Variants in FANCD2OS observed in about 807,000 individuals in gnomAD.
FANCD2OS encodes FANCD2 opposite strand, also known as FANCD2 opposite strand protein.
A neutral mutation model predicts 13.2 loss-of-function variants in FANCD2OS; 11 were observed. The ratio of observed to expected loss-of-function variants is 0.83; its 90% CI spans 0.52 to 1.38. FANCD2OS has a LOEUF of 1.38. FANCD2OS is among the 40% of genes most tolerant of loss of function. The pLI, the probability that FANCD2OS is intolerant of heterozygous loss-of-function variation, is 0.00. For synonymous variants in FANCD2OS, 69 were observed against 84.5 expected (o/e 0.82, Z 1.01); for missense variants, 217 against 213.9 (o/e 1.01, Z -0.09).
chr3:10,099,291 G>A (rs35619439), downstream of FANCD2OS: 296 of 1,244,252 alleles, frequency 2.4e-4, no homozygotes, highest in Non-Finnish European at 2.8e-4. Flanking sequence ...GCTTTTTTGT[G>A]GTACAGATGC....
At position 10,083,224 on chromosome 3, in the gene FANCD2OS, C is replaced by T. The variant is rs564540459; in HGVS notation, c.*44-1693G>A. ...CCTGGGCAACAGAACCAGACCCCAT[C>T]TCAAAAAAAAAAAAATCTGGGCCCC... On this transcript the variant is annotated intron_variant, in intron 2 of 2. Transcript: ENST00000524279. Among the ~76,000 whole-genome samples, 4 of 149,214 alleles carry T rather than the reference C, an allele frequency of 2.7e-5. No individual in the cohort carries two copies. In the South Asian group the frequency reaches 8.4e-4, roughly 31 times the overall value.
downstream of FANCD2OS, chr3:10,101,377 CTTTTTTTT>C (rs950337384): frequency 1.2e-4 from 48 of 388,510 alleles, no homozygotes; most frequent in African/African-American, 3.0e-4. Context: ...TTTTGTTCCT[CTTTTTTTT>C]TTTTTTTTTT....
chr3:10,092,305 T>A, intron 2 of FANCD2OS: 1 of 1,373,488 alleles, frequency 7.3e-7, no homozygotes, highest in South Asian at 1.2e-5. Context: ...AGAAACCAAG[T>A]GTCCTGGCTT....
In FANCD2OS at chr3:10,088,326, G is replaced by A. The variant is rs150434555; in HGVS notation, c.*44-6795C>T. On this transcript the variant is annotated intron_variant, in intron 2 of 2. Coordinates refer to the FANCD2OS transcript ENST00000524279. ...CTTTTTGTAAGTTGCCTGTTAGACCGGGAACGTCTTAGTAAATCTAAACTA... is the reference window on the plus strand; with the variant it reads ...CTTTTTGTAAGTTGCCTGTTAGACCAGGAACGTCTTAGTAAATCTAAACTA... The A allele has an allele frequency of 1.5e-4, 110 of 753,240 alleles. 2 individuals carry two copies. The highest frequency in any genetic ancestry group is 1.1e-3 in the South Asian group (81 of 70,554). The allele number at this position is 753,240 out of a possible 1,614,324, so 46.7% of individuals were successfully genotyped here.
At chr3:10,098,792 G>A (rs2125100946), downstream of FANCD2OS, 1 of 1,614,172 alleles carries the variant, frequency 6.2e-7, no homozygotes, top group Non-Finnish European at 8.5e-7. Flanking sequence ...GTCATCCCAG[G>A]CCTCCAAGAG....
downstream of FANCD2OS, among the ~76,000 whole-genome samples, chr3:10,099,952 T>C (rs969305562): frequency 3.9e-5 from 6 of 152,058 alleles, no homozygotes; most frequent in African/African-American, 1.2e-4. Flanking sequence ...TCGTAGCACT[T>C]TGTGAGGCTG....
At chr3:10,106,328 G>A (rs1695493559) in intron 1 of FANCD2OS, among the ~76,000 whole-genome samples, 1 of 152,120 alleles carries the variant, frequency 6.6e-6, no homozygotes, top group South Asian at 2.1e-4. Context: ...TGAGGATATT[G>A]CTAACTGAAA....
intron 2 of FANCD2OS, chr3:10,093,270 C>A: frequency 6.2e-7 from 1 of 1,612,102 alleles, no homozygotes; most frequent in Non-Finnish European, 8.5e-7. Flanking sequence ...GGTTTCTTGT[C>A]TTTCACCTCT....
Position 10,092,091 on chromosome 3 carries a change from A to C in FANCD2OS, c.*44-10560T>G. On this transcript the variant is annotated intron_variant, in intron 2 of 2. Transcript: ENST00000524279. ...AATTGGCTTAAATATCTGTATAGCT[A>C]TGTAATTCAAGAACTATATCTTAGT... is the stretch of plus-strand genomic sequence containing the variant. The C allele has an allele frequency of 3.2e-6, 3 of 925,618 alleles. No individual in the cohort carries two copies. In the South Asian group the frequency reaches 3.9e-5, roughly 12 times the overall value. 57.3% of individuals were successfully genotyped at this position (925,618 alleles called of 1,614,324 possible). A position where few individuals can be genotyped will look rare whatever the true frequency, so the allele number is the denominator to read the frequency against.
In FANCD2OS at chr3:10,108,101, C is replaced by A. The variant is rs1695551921; in HGVS notation, c.-95G>T. 1.0e-5 allele frequency: 1 copy of A among 99,490 alleles called. No homozygotes were observed. Among genetic ancestry groups the A allele is most frequent in the Admixed American group, 8.9e-5 (1 of 11,196 alleles). The allele number at this position is 99,490 out of a possible 1,614,324, so 6.2% of individuals were successfully genotyped here. ...CGAGGGTCTGGAGCTGCCGAGAGTG[C>A]GAGAGGCTCCCACTCCCCGCCGGAA... On this transcript the variant is annotated 5_prime_UTR_variant, in exon 1 of 2. Transcript: ENST00000450660.
At chr3:10,083,464 C>T (rs1325494208) in intron 2 of FANCD2OS, 2 of 152,188 alleles carry the variant, frequency 1.3e-5, no homozygotes, top group Admixed American at 6.5e-5. Flanking sequence ...CTCTCACATG[C>T]TTCTAGGGGG....
chr3:10,105,798 ATATATATATATATATATATATATT>A (rs1559415253), intron 1 of FANCD2OS, among the ~76,000 whole-genome samples: 7,181 of 92,606 alleles, frequency 0.078, 664 homozygotes, highest in African/African-American at 0.17. Context: ...ATATATATAT[ATATATATATATATATATATATATT>A]TTGAGGTTCG....
In FANCD2OS at chr3:10,104,401, G is replaced by C. The variant is rs774860840; in HGVS notation, c.374C>G (p.Ala125Gly). 2.5e-6 allele frequency: 4 copies of C among 1,614,050 alleles called. No individual in the cohort carries two copies. The highest frequency in any genetic ancestry group is 4.5e-5 in the East Asian group (2 of 44,890). Reference sequence around the variant, plus strand: ...CTCCCTGCTAATGATTTTGCAAAAGGCTGACTTGTCTGAAACTCTGAAAGT... The same window carrying C: ...CTCCCTGCTAATGATTTTGCAAAAGCCTGACTTGTCTGAAACTCTGAAAGT... ...TGTFRVSDKS[A>G]FCKIISREHQ... The change falls in exon 2 of 2, where the codon GCC becomes GGC. Residue 125 changes from alanine to glycine, a missense_variant. Physicochemically the swap from Ala to Gly is moderately conservative, Grantham distance 60. Coordinates refer to ENST00000450660, the MANE Select transcript of FANCD2OS (RefSeq NM_001164839.2).
rs757471770 is a variant in FANCD2OS at position 10,088,519 on chromosome 3, T to A, written c.*44-6988A>T. On this transcript the variant is annotated intron_variant, in intron 2 of 2. Coordinates refer to the FANCD2OS transcript ENST00000524279. ...ATAAAGAGAAGAGCAACATCTCTAA[T>A]GACCAGCTCCATGCTCTGCTCTGGT... 2.5e-6 allele frequency: 4 copies of A among 1,607,076 alleles called. No homozygotes were observed. The South Asian group carries it at 4.4e-5, about 18-fold the overall frequency.
At chr3:10,083,219 C>G (rs1415833383) in intron 2 of FANCD2OS, among the ~76,000 whole-genome samples, 1 of 151,106 alleles carries the variant, frequency 6.6e-6, no homozygotes, top group Non-Finnish European at 1.5e-5. Context: ...AGAACCAGAC[C>G]CCATCTCAAA....
intron 2 of FANCD2OS, chr3:10,096,394 C>T (rs1325356208): frequency 3.7e-6 from 6 of 1,613,960 alleles, no homozygotes; most frequent in Non-Finnish European, 5.1e-6. Context: ...TTTTAGTTTG[C>T]AGAGTCAAAG....
At chr3:10,087,508 T>G (rs1694290276) in intron 2 of FANCD2OS, among the ~76,000 whole-genome samples, 1 of 147,784 alleles carries the variant, frequency 6.8e-6, no homozygotes, top group Admixed American at 6.7e-5. Context: ...GGCTTAAGTT[T>G]AATCATGTTC....
intron 2 of FANCD2OS, chr3:10,088,822 A>G (rs1408207598): frequency 6.2e-7 from 1 of 1,614,016 alleles, no homozygotes. Context: ...TTGACTCTCA[A>G]TGCAGTATCT....
At chr3:10,082,060 T>C (rs1693873893) in intron 2 of FANCD2OS, among the ~76,000 whole-genome samples, 1 of 152,210 alleles carries the variant, frequency 6.6e-6, no homozygotes, top group South Asian at 2.1e-4. Context: ...TATATCCAAC[T>C]GCCTACGCAA....
Sources: gnomAD v4.1 joint callset for allele counts (sites outside exome capture counted in the v4.1 genomes callset) on GRCh38, gnomAD v4.1.1 for gene constraint, MANE v1.5 for transcripts, NCBI Gene and HGNC (gene_info 2026-07-23, HGNC 2026-07-21) for gene names.